CADM2: variants seen among roughly 807,000 people sequenced by gnomAD.
CADM2 encodes immunoglobulin superfamily member 4D.
Under a neutral mutation model 49.8 loss-of-function variants are expected in CADM2, and 12 were observed. The ratio of observed to expected loss-of-function variants is 0.24; its 90% CI spans 0.15 to 0.39. The LOEUF is 0.39. CADM2 is among the 10% of genes least tolerant of loss of function. The pLI is 1.00. For missense variants in CADM2, 378 were observed against 492.3 expected (o/e 0.77, Z 2.20); for synonymous variants, 214 against 175.4 (o/e 1.22, Z -1.74).
intron 1 of CADM2, among the ~76,000 whole-genome samples, chr3:85,440,532 T>C (rs1276184024): frequency 6.6e-6 from 1 of 152,194 alleles, no homozygotes. Context: ...TATTTTGCCA[T>C]TGAAACATTG....
intron 1 of CADM2, among the ~76,000 whole-genome samples, chr3:85,234,746 T>G (rs757522070): frequency 2.0e-5 from 3 of 152,238 alleles, no homozygotes; most frequent in Non-Finnish European, 4.4e-5. Flanking sequence ...GTAATTTCTC[T>G]CTCCAGAGTA....
intron 2 of CADM2, among the ~76,000 whole-genome samples, chr3:85,766,364 T>C (rs1231357676): frequency 6.6e-6 from 1 of 152,154 alleles, no homozygotes; most frequent in Non-Finnish European, 1.5e-5. Flanking sequence ...CAGAACATAC[T>C]AGGATTGTCC....
chr3:85,932,180 A>C (rs1463322390), intron 6 of CADM2, among the ~76,000 whole-genome samples: 2 of 152,016 alleles, frequency 1.3e-5, no homozygotes, highest in African/African-American at 4.8e-5. Context: ...ACAAGAGTTC[A>C]TGGGTAATTG....
chr3:85,910,405 C>T (rs760954084), intron 5 of CADM2, among the ~76,000 whole-genome samples: 8 of 151,926 alleles, frequency 5.3e-5, no homozygotes, highest in Admixed American at 4.6e-4. Context: ...AGTGAAAGAA[C>T]CTTATAATAT....
Position 85,369,971 on chromosome 3 carries a change from TA to T in CADM2, c.62-356543del, listed in dbSNP as rs560450394. Among the ~76,000 whole-genome samples the T allele has an allele frequency of 3.8e-3, 574 of 151,422 alleles. 5 individuals are homozygous for T. The highest frequency in any genetic ancestry group is 9.6e-3 in the Admixed American group (145 of 15,152). The stretch of plus-strand genomic sequence containing the variant: ...ATGAATGGAAAGAGATGTTTTTAAT[TA>T]AAAAAAACAGCAAAATCAGAAGGAT... On this transcript the variant is annotated intron_variant, in intron 1 of 9. Coordinates refer to ENST00000383699, the MANE Select transcript of CADM2 (RefSeq NM_001167675.2).
rs150433095 is a variant in CADM2 at position 84,979,250 on chromosome 3, T to C, written c.61+19582T>C. On this transcript the variant is annotated intron_variant, in intron 1 of 9. Transcript: ENST00000383699. ...TTATCACTAGTGGTGTTTGTAAACT[T>C]CTACTGATGCACAATTCTTTCATGT... Among the ~76,000 whole-genome samples the C allele has an allele frequency of 4.7e-4, 71 of 152,334 alleles. 3 individuals carry two copies. The East Asian group carries it at 0.013, about 27-fold the overall frequency.
At chr3:85,538,056 G>T (rs1387380412) in intron 1 of CADM2, among the ~76,000 whole-genome samples, 2 of 151,962 alleles carry the variant, frequency 1.3e-5, no homozygotes, top group Non-Finnish European at 2.9e-5. Context: ...AAATTATATT[G>T]TTCTTCCCCT....
chr3:85,691,068 C>T (rs1459351024), intron 1 of CADM2, among the ~76,000 whole-genome samples: 2 of 152,166 alleles, frequency 1.3e-5, no homozygotes, highest in Non-Finnish European at 2.9e-5. Flanking sequence ...TCTCCCTACT[C>T]TGCCCTTCCC....
At chr3:85,663,483 A>C (rs34428186) in intron 1 of CADM2, among the ~76,000 whole-genome samples, 1 of 152,020 alleles carries the variant, frequency 6.6e-6, no homozygotes, top group Non-Finnish European at 1.5e-5. Context: ...AATAAAAGCA[A>C]CCAGAGTTGA....
chr3:85,482,746 C>A (rs2039265208), intron 1 of CADM2, among the ~76,000 whole-genome samples: 1 of 151,318 alleles, frequency 6.6e-6, no homozygotes, highest in Non-Finnish European at 1.5e-5. Context: ...ACATTTCTAA[C>A]CTTTATATTC....
At chr3:85,443,171 C>T (rs1056826517) in intron 1 of CADM2, among the ~76,000 whole-genome samples, 1 of 152,038 alleles carries the variant, frequency 6.6e-6, no homozygotes, top group Non-Finnish European at 1.5e-5. Flanking sequence ...GTGTTTGAAG[C>T]TCTGTGTTGC....
chr3:85,518,850 C>T (rs1576703947), intron 1 of CADM2, among the ~76,000 whole-genome samples: 1 of 152,050 alleles, frequency 6.6e-6, no homozygotes, highest in South Asian at 2.1e-4. Flanking sequence ...TTAGTCACCT[C>T]GGCAAAGATT....
chr3:85,071,973 CA>C (rs1219826675), intron 1 of CADM2, among the ~76,000 whole-genome samples: 3 of 150,090 alleles, frequency 2.0e-5, no homozygotes, highest in Non-Finnish European at 4.4e-5. Context: ...TAATATAATA[CA>C]AATATATATA....
intron 1 of CADM2, among the ~76,000 whole-genome samples, chr3:85,160,195 A>G (rs565559031): frequency 2.6e-5 from 4 of 152,232 alleles, no homozygotes; most frequent in Non-Finnish European, 5.9e-5. Flanking sequence ...AGCATTTCCA[A>G]TGTTTTATTA....
chr3:85,203,054 G>A lies in CADM2; in HGVS notation c.61+243386G>A, dbSNP rs563553741. Among the ~76,000 whole-genome samples the A allele has an allele frequency of 1.7e-3, 258 of 152,262 alleles. 1 individual carries two copies. Among genetic ancestry groups the A allele is most frequent in the African/African-American group, 6.0e-3 (248 of 41,542 alleles). On this transcript the variant is annotated intron_variant, in intron 1 of 9. Coordinates refer to ENST00000383699, the MANE Select transcript of CADM2 (RefSeq NM_001167675.2). ...CGGCCTTGCTCTGGATTAGGTTTCG[G>A]CTAAGGGAATGTGGCTGGTTTGAGC...
chr3:85,924,364 T>TG (rs1719545793), intron 6 of CADM2, among the ~76,000 whole-genome samples: 1 of 151,986 alleles, frequency 6.6e-6, no homozygotes, highest in Non-Finnish European at 1.5e-5. Context: ...CCAAGGCAGA[T>TG]GGATCACTTG....
At chr3:85,907,561 C>T (rs1459621871) in intron 5 of CADM2, among the ~76,000 whole-genome samples, 2 of 152,104 alleles carry the variant, frequency 1.3e-5, no homozygotes, top group Non-Finnish European at 2.9e-5. Flanking sequence ...CTACTCTAGG[C>T]AGATGGCTGA....
chr3:85,369,980 C>T (rs1476686143), intron 1 of CADM2, among the ~76,000 whole-genome samples: 1 of 151,276 alleles, frequency 6.6e-6, no homozygotes, highest in Non-Finnish European at 1.5e-5. Flanking sequence ...TTAAAAAAAA[C>T]AGCAAAATCA....
intron 1 of CADM2, among the ~76,000 whole-genome samples, chr3:85,208,462 T>G (rs933648827): frequency 3.3e-5 from 5 of 152,168 alleles, no homozygotes; most frequent in African/African-American, 9.6e-5. Flanking sequence ...TGCAAAGTTT[T>G]GCTCACAAGG....
Sources: gnomAD v4.1 joint callset for allele counts (sites outside exome capture counted in the v4.1 genomes callset) on GRCh38, gnomAD v4.1.1 for gene constraint, MANE v1.5 for transcripts, NCBI Gene and HGNC (gene_info 2026-07-23, HGNC 2026-07-21) for gene names.